ADK: variants seen among roughly 807,000 people sequenced by gnomAD.
ADK encodes N6,N6-dimethyladenosine kinase.
ADK carries 24 observed loss-of-function variants against 44.7 expected under a neutral mutation model. That is an observed-to-expected ratio of 0.54 (90% CI 0.39 to 0.76). ADK has a LOEUF of 0.76. Ranked by LOEUF, ADK falls within the 30% of genes least tolerant of loss-of-function variation. ADK has a pLI of 0.00. For synonymous variants in ADK, 128 were observed against 142.6 expected, an observed-to-expected ratio of 0.90 and a Z score of 0.73; for missense variants, 321 against 425.1, an observed-to-expected ratio of 0.76 and a Z score of 2.15.
At chr10:74,267,913 A>G (rs1171429635) in intron 3 of ADK, among the ~76,000 whole-genome samples, 2 of 152,044 alleles carry the variant, frequency 1.3e-5, no homozygotes, top group Admixed American at 1.3e-4. Context: ...CACTGCTGGA[A>G]ATTTATGGAT....
At chr10:74,685,558 C>A (rs1193968893) in intron 10 of ADK, among the ~76,000 whole-genome samples, 3 of 152,214 alleles carry the variant, frequency 2.0e-5, no homozygotes, top group African/African-American at 7.2e-5. Context: ...CTAGAGCTTG[C>A]TCTTCTAATT....
intron 4 of ADK, among the ~76,000 whole-genome samples, chr10:74,351,379 C>T (rs7919010): frequency 0.16 from 24,377 of 152,072 alleles, 2,279 homozygotes; most frequent in African/African-American, 0.26. Flanking sequence ...ATCCTTCATG[C>T]TAAAAACTCT....
chr10:74,550,879 T>A (rs1389368664), intron 7 of ADK, among the ~76,000 whole-genome samples: 1 of 152,196 alleles, frequency 6.6e-6, no homozygotes, highest in Non-Finnish European at 1.5e-5. Context: ...AGAGACAAGG[T>A]CTCGCTATGT....
At position 74,305,401 on chromosome 10, in the gene ADK, T is replaced by C. The variant is rs191101320; in HGVS notation, c.195-9266T>C. ...ATATATTGATATCAAATTGATCTTA[T>C]ATGTCTGTAGTGAGGAACTTGGCCA... On this transcript the variant is annotated intron_variant, in intron 3 of 10. Transcript: ENST00000539909. 2.0e-5 allele frequency among the ~76,000 whole-genome samples: 3 copies of C among 152,334 alleles called. No homozygotes were observed. In the East Asian group the frequency reaches 5.8e-4, roughly 29 times the overall value.
intron 7 of ADK, among the ~76,000 whole-genome samples, chr10:74,533,299 T>C (rs1377845091): frequency 6.6e-6 from 1 of 152,166 alleles, no homozygotes; most frequent in African/African-American, 2.4e-5. Flanking sequence ...GATTCTAATA[T>C]TTATATGGAA....
intron 4 of ADK, among the ~76,000 whole-genome samples, chr10:74,344,048 T>C (rs572429090): frequency 6.6e-6 from 1 of 152,354 alleles, no homozygotes; most frequent in East Asian, 1.9e-4. Flanking sequence ...GGTTATGTTA[T>C]ATATAATTTT....
intron 9 of ADK, among the ~76,000 whole-genome samples, chr10:74,666,903 T>A (rs930852719): frequency 1.3e-5 from 2 of 149,856 alleles, no homozygotes; most frequent in Non-Finnish European, 3.0e-5. Context: ...TGATCTCTGC[T>A]CACTGCAACC....
intron 1 of ADK, among the ~76,000 whole-genome samples, chr10:74,177,098 C>A (rs1842371103): frequency 6.6e-6 from 1 of 152,176 alleles, no homozygotes; most frequent in African/African-American, 2.4e-5. Flanking sequence ...TTCTGTGTGT[C>A]GCTGCTTGGT....
At chr10:74,632,533 T>C (rs1853478498) in intron 9 of ADK, among the ~76,000 whole-genome samples, 2 of 152,228 alleles carry the variant, frequency 1.3e-5, no homozygotes, top group African/African-American at 4.8e-5. Flanking sequence ...TGGCATTCCT[T>C]GGCTTGTAGC....
In ADK at chr10:74,177,327, G is replaced by A. The variant is rs1403314453; in HGVS notation, c.66-23437G>A. Among the ~76,000 whole-genome samples, 4 of 152,306 alleles carry A rather than the reference G, an allele frequency of 2.6e-5. No individual in the cohort carries two copies. In the East Asian group the frequency reaches 7.7e-4, roughly 29 times the overall value. On this transcript the variant is annotated intron_variant, in intron 1 of 10. Transcript: ENST00000539909. Reference sequence around the variant, plus strand: ...CAAAGTTGGCCCTTCTCTGATGCAGGTATATTGCCCTCAAGTTGTGAAATT... The same window carrying A: ...CAAAGTTGGCCCTTCTCTGATGCAGATATATTGCCCTCAAGTTGTGAAATT...
rs375465958 is a variant in ADK, at chr10:74,240,206, G to T, written c.194+15615G>T. Among the ~76,000 whole-genome samples the T allele has an allele frequency of 2.8e-5, 4 of 142,946 alleles. No individual in the cohort carries two copies. In the East Asian group the frequency reaches 5.8e-4, roughly 21 times the overall value. 93.8% of individuals were successfully genotyped at this position (142,946 alleles called of 152,430 possible). A position where few individuals can be genotyped will look rare whatever the true frequency, so the allele number is the denominator to read the frequency against. ...ATTTTTGTATTTTTAGCAGAGACAG[G>T]GTTTCGCCATGTTGTCCAGGCTGGT... On this transcript the variant is annotated intron_variant, in intron 3 of 10. Coordinates refer to ENST00000539909, the MANE Select transcript of ADK (RefSeq NM_006721.4).
At position 74,688,382 on chromosome 10, in the gene ADK, C is replaced by T. The variant is rs557227814; in HGVS notation, c.964+18113C>T. 3.3e-5 allele frequency among the ~76,000 whole-genome samples: 5 copies of T among 152,262 alleles called. No individual in the cohort carries two copies. In the South Asian group the frequency reaches 8.3e-4, roughly 25 times the overall value. On this transcript the variant is annotated intron_variant, in intron 10 of 10. Coordinates refer to ENST00000539909, the MANE Select transcript of ADK (RefSeq NM_006721.4). ...GAACTGTAAGTGTCTTATTTACCAG[C>T]GTATCCCCGGGACCCAGCACAGTGC...
intron 4 of ADK, among the ~76,000 whole-genome samples, chr10:74,373,588 A>G (rs555737847): frequency 1.3e-5 from 2 of 152,226 alleles, no homozygotes; most frequent in Non-Finnish European, 2.9e-5. Context: ...ATTAGCTATC[A>G]GGTATATTAA....
At chr10:74,431,780 C>T (rs1033062566) in intron 6 of ADK, among the ~76,000 whole-genome samples, 2 of 152,030 alleles carry the variant, frequency 1.3e-5, no homozygotes, top group South Asian at 2.1e-4. Context: ...ACATTTCACT[C>T]CAGCCTGGAC....
At position 74,366,546 on chromosome 10, in the gene ADK, G is replaced by T. The variant is rs114061410; in HGVS notation, c.274-27595G>T. Among the ~76,000 whole-genome samples, 4 of 152,038 alleles carry T rather than the reference G, an allele frequency of 2.6e-5. No individual in the cohort carries two copies. In the East Asian group the frequency reaches 7.7e-4, roughly 29 times the overall value. ...TAGCAGTCTTTCAAATAAAATTTTC[G>T]TTGAGACTAAAGAGATCCTGGATTA... On this transcript the variant is annotated intron_variant, in intron 4 of 10. Transcript: ENST00000539909.
At chr10:74,320,204 C>A (rs1437822388) in intron 4 of ADK, among the ~76,000 whole-genome samples, 1 of 151,996 alleles carries the variant, frequency 6.6e-6, no homozygotes, top group Non-Finnish European at 1.5e-5. Flanking sequence ...CTTAAATAGC[C>A]CCTTTATTAT....
intron 4 of ADK, among the ~76,000 whole-genome samples, chr10:74,327,683 C>T (rs1014764889): frequency 3.3e-5 from 5 of 151,960 alleles, no homozygotes; most frequent in African/African-American, 1.2e-4. Context: ...ACAACAAACC[C>T]CCATGACACA....
At chr10:74,652,529 G>A (rs1854311020) in intron 9 of ADK, among the ~76,000 whole-genome samples, 1 of 151,846 alleles carries the variant, frequency 6.6e-6, no homozygotes, top group Non-Finnish European at 1.5e-5. Context: ...GGGAGGCCAA[G>A]GTGGGCAGAT....
At chr10:74,246,523 A>G (rs1457400334) in intron 3 of ADK, among the ~76,000 whole-genome samples, 1 of 152,244 alleles carries the variant, frequency 6.6e-6, no homozygotes. Flanking sequence ...AGACAGGACA[A>G]TAGAAAGACT....
Sources: allele counts gnomAD v4.1 joint callset (sites outside exome capture counted in the v4.1 genomes callset), GRCh38; gene constraint gnomAD v4.1.1; transcripts MANE v1.5; gene names NCBI Gene and HGNC (gene_info 2026-07-23, HGNC 2026-07-21).